IGSF11: variants seen among roughly 807,000 people sequenced by gnomAD.
The protein encoded by IGSF11 is immunoglobulin superfamily member 11, also known as CXADR like 1.
A neutral mutation model predicts 41.0 loss-of-function variants in IGSF11; 22 were observed. The observed-to-expected ratio is 0.54, with a 90% CI of 0.38 to 0.77. The LOEUF (loss-of-function observed/expected upper bound fraction) is 0.77, where lower values mean the gene tolerates loss of function less well. Ranked by LOEUF, IGSF11 falls within the 30% of genes least tolerant of loss-of-function variation. The pLI is 0.00. For missense variants in IGSF11, 444 were observed against 530.8 expected (o/e 0.84, Z 1.61); for synonymous variants, 219 against 201.3 (o/e 1.09, Z -0.74).
At chr3:119,122,040 A>G (rs2077340389) in intron 1 of IGSF11, among the ~76,000 whole-genome samples, 4 of 152,176 alleles carry the variant, frequency 2.6e-5, no homozygotes, top group Admixed American at 2.6e-4. Flanking sequence ...TCATGTAGGA[A>G]CATCAAATTT....
chr3:118,998,379 T>G (rs1936475590), intron 1 of IGSF11, among the ~76,000 whole-genome samples: 1 of 152,140 alleles, frequency 6.6e-6, no homozygotes, highest in African/African-American at 2.4e-5. Flanking sequence ...TCCTGAAACT[T>G]CAACTCAAGA....
At chr3:119,007,469 C>T (rs995498596) in intron 1 of IGSF11, among the ~76,000 whole-genome samples, 2 of 152,048 alleles carry the variant, frequency 1.3e-5, no homozygotes, top group Admixed American at 1.3e-4. Context: ...TGTTCCTATT[C>T]GGCCATCTTG....
At chr3:118,969,802 T>C (rs1401109837) in intron 1 of IGSF11, among the ~76,000 whole-genome samples, 2 of 152,230 alleles carry the variant, frequency 1.3e-5, no homozygotes, top group African/African-American at 4.8e-5. Flanking sequence ...GCTAGATTTG[T>C]GTGGTAGAGG....
intron 1 of IGSF11, among the ~76,000 whole-genome samples, chr3:119,012,043 G>T (rs1428076395): frequency 6.6e-6 from 1 of 152,162 alleles, no homozygotes; most frequent in Non-Finnish European, 1.5e-5. Flanking sequence ...GAGAGAGAGA[G>T]AGCGTGAGTG....
intron 1 of IGSF11, among the ~76,000 whole-genome samples, chr3:119,056,652 T>G (rs1941847668): frequency 2.6e-5 from 4 of 152,174 alleles, no homozygotes; most frequent in African/African-American, 4.8e-5. Context: ...TACCAAAGCC[T>G]GGCAGAGACA....
At chr3:118,946,945 G>A (rs1944193521) in intron 1 of IGSF11, 1 of 152,166 alleles carries the variant, frequency 6.6e-6, no homozygotes, top group Non-Finnish European at 1.5e-5. Flanking sequence ...TGAGAAAATT[G>A]TTAAGAATTT....
intron 1 of IGSF11, among the ~76,000 whole-genome samples, chr3:119,060,549 C>A (rs998613325): frequency 6.6e-6 from 1 of 152,136 alleles, no homozygotes; most frequent in Non-Finnish European, 1.5e-5. Flanking sequence ...TTAACACAAT[C>A]ATCTTATTTA....
chr3:118,917,636 G>C (rs1213908598), intron 4 of IGSF11, among the ~76,000 whole-genome samples: 152 of 108,170 alleles, frequency 1.4e-3, no homozygotes, highest in East Asian at 7.9e-3. Context: ...ACCAAAAAGA[G>C]TCCAGGACCA....
chr3:118,911,223 C>T (rs369361408), intron 4 of IGSF11, among the ~76,000 whole-genome samples: 22 of 151,742 alleles, frequency 1.4e-4, no homozygotes, highest in African/African-American at 5.1e-4. Flanking sequence ...AAGTACTGAA[C>T]ACTATATGGG....
intron 1 of IGSF11, among the ~76,000 whole-genome samples, chr3:118,997,142 T>A (rs944567424): frequency 6.6e-6 from 1 of 151,840 alleles, no homozygotes; most frequent in East Asian, 1.9e-4. Flanking sequence ...TAAACAGTAA[T>A]AGGATCCTGA....
At chr3:118,926,044 G>T in intron 4 of IGSF11, 57 bp downstream of exon 4, 1 of 1,253,518 alleles carries the variant, frequency 8.0e-7, no homozygotes, top group South Asian at 2.3e-5. Context: ...ATTACTTTTT[G>T]AATATTAGAA....
intron 1 of IGSF11, among the ~76,000 whole-genome samples, chr3:119,079,306 G>A (rs1200132328): frequency 6.6e-6 from 1 of 151,984 alleles, no homozygotes; most frequent in South Asian, 2.1e-4. Flanking sequence ...GTTACAGTGA[G>A]CTGAAATCAC....
At chr3:119,074,329 G>A (rs2076455144) in intron 1 of IGSF11, among the ~76,000 whole-genome samples, 1 of 151,966 alleles carries the variant, frequency 6.6e-6, no homozygotes, top group Admixed American at 6.6e-5. Context: ...GGACCACAGT[G>A]CAATAAAAAA....
intron 1 of IGSF11, among the ~76,000 whole-genome samples, chr3:119,085,137 G>A (rs111991403): frequency 0.014 from 2,185 of 152,250 alleles, 49 homozygotes; most frequent in African/African-American, 0.05. Context: ...GCTCAAGAGT[G>A]GAGCTGGTGA....
intron 1 of IGSF11, among the ~76,000 whole-genome samples, chr3:119,119,806 C>G (rs2107528677): frequency 6.6e-6 from 1 of 152,234 alleles, no homozygotes; most frequent in East Asian, 1.9e-4. Context: ...AAAACAATAG[C>G]AAACTGCTGG....
At chr3:119,040,967 T>C (rs1279880883) in intron 1 of IGSF11, among the ~76,000 whole-genome samples, 4 of 152,146 alleles carry the variant, frequency 2.6e-5, no homozygotes, top group African/African-American at 9.7e-5. Context: ...ATAAAAATAT[T>C]TTATATTGAA....
At chr3:119,089,702 G>A (rs979943293) in intron 1 of IGSF11, among the ~76,000 whole-genome samples, 1 of 152,122 alleles carries the variant, frequency 6.6e-6, no homozygotes. Context: ...AGGCTTCCAG[G>A]CTGATAAGCT....
chr3:119,132,172 T>A (rs1318537622), intron 1 of IGSF11, among the ~76,000 whole-genome samples: 1 of 151,998 alleles, frequency 6.6e-6, no homozygotes, highest in Admixed American at 6.6e-5. Context: ...GCTGACATCA[T>A]AATGACAGGA....
intron 1 of IGSF11, among the ~76,000 whole-genome samples, chr3:118,934,991 T>A (rs1256962122): frequency 6.6e-6 from 1 of 152,024 alleles, no homozygotes; most frequent in Non-Finnish European, 1.5e-5. Flanking sequence ...ACTCATCATT[T>A]ACAATAGCTC....
Sources: gnomAD v4.1 joint callset for allele counts (sites outside exome capture counted in the v4.1 genomes callset) on GRCh38, gnomAD v4.1.1 for gene constraint, MANE v1.5 for transcripts, NCBI Gene and HGNC (gene_info 2026-07-23, HGNC 2026-07-21) for gene names.